Variants in JAKMIP1 observed in about 807,000 individuals in gnomAD.
The protein encoded by JAKMIP1 is janus kinase and microtubule interacting protein 1.
JAKMIP1 carries 33 observed loss-of-function variants against 113.0 expected under a neutral mutation model. The ratio of observed to expected loss-of-function variants is 0.29; its 90% CI spans 0.22 to 0.39. JAKMIP1 has a LOEUF of 0.39. Ranked by LOEUF, JAKMIP1 falls within the 10% of genes least tolerant of loss-of-function variation. The pLI is 1.00. For synonymous variants in JAKMIP1, 480 were observed against 459.9 expected, an observed-to-expected ratio of 1.04 and a Z score of -0.56; for missense variants, 813 against 1,080.5, an observed-to-expected ratio of 0.75 and a Z score of 3.47.
At chr4:6,095,067 T>C (rs1388154428) in intron 3 of JAKMIP1, among the ~76,000 whole-genome samples, 1 of 54,912 alleles carries the variant, frequency 1.8e-5, no homozygotes, top group Non-Finnish European at 3.4e-5. Flanking sequence ...AGAAGGAAAG[T>C]GGAAGGAAGG....
Position 6,049,822 on chromosome 4 carries a change from G to A in JAKMIP1, c.1959C>T (p.Asn653=), listed in dbSNP as rs967341411. 13 of 1,609,454 alleles carry A rather than the reference G, an allele frequency of 8.1e-6. No individual in the cohort carries two copies. The highest frequency in any genetic ancestry group is 2.2e-5 in the East Asian group (1 of 44,876). Residue 653 remains asparagine (N), a synonymous_variant, in exon 15 of 21, where the codon AAC becomes AAT. Coordinates refer to ENST00000409021, the MANE Select transcript of JAKMIP1 (RefSeq NM_001099433.2). The surrounding 1 kb of genome is among the most constrained non-coding windows in gnomAD (Gnocchi z 7.0). ...GAAACCGATCGCTCATAGTTACCCC[G>A]TTATCGCCAAGGATATCTAATTTCT... ...LMKKLDILGD[N]GNLRNEEQVA... is the part of the protein sequence containing the mutation.
intron 5 of JAKMIP1, among the ~76,000 whole-genome samples, chr4:6,082,564 C>T (rs190110046): frequency 2.0e-5 from 3 of 151,954 alleles, no homozygotes; most frequent in Non-Finnish European, 4.4e-5. Context: ...AGTGCCGTGG[C>T]GTGATTTCAG....
In JAKMIP1 at chr4:6,186,619, A is replaced by T. The variant is rs1726681436; in HGVS notation, c.-148+13634T>A. On this transcript the variant is annotated intron_variant, in intron 1 of 20. Coordinates refer to ENST00000409021, the MANE Select transcript of JAKMIP1 (RefSeq NM_001099433.2). The surrounding 1 kb of genome is among the most constrained non-coding windows in gnomAD (Gnocchi z 5.5). ...TATGGTCTATCCTGGAAAATGATTC[A>T]TGGGCACTAGAGAAGAATATTTATT... 6.6e-6 allele frequency among the ~76,000 whole-genome samples: 1 copy of T among 152,154 alleles called. No homozygotes were observed. The highest frequency in any genetic ancestry group is 1.5e-5 in the Non-Finnish European group (1 of 68,020).
chr4:6,136,869 A>G lies in JAKMIP1; in HGVS notation c.-147-23872T>C, dbSNP rs1487335596. On this transcript the variant is annotated intron_variant, in intron 1 of 20. Transcript: ENST00000409021. This position sits in a 1 kb window ranked among gnomAD's most constrained non-coding sequence, Gnocchi z 5.9. ...TACCAGCAGCGGCACTACCCATCAC[A>G]TAACAGGCATTTAGACACAGTTGCG... Among the ~76,000 whole-genome samples the G allele has an allele frequency of 6.6e-6, 1 of 152,200 alleles. No homozygotes were observed. Among genetic ancestry groups the G allele is most frequent in the East Asian group, 1.9e-4 (1 of 5,186 alleles).
chr4:6,186,081 G>C lies in JAKMIP1; in HGVS notation c.-148+14172C>G, dbSNP rs529818133. Among the ~76,000 whole-genome samples, 1 of 152,174 alleles carries C rather than the reference G, an allele frequency of 6.6e-6. No homozygotes were observed. Among genetic ancestry groups the C allele is most frequent in the African/African-American group, 2.4e-5 (1 of 41,528 alleles). On this transcript the variant is annotated intron_variant, in intron 1 of 20. Transcript: ENST00000409021. The surrounding 1 kb of genome is among the most constrained non-coding windows in gnomAD (Gnocchi z 5.5). ...CCACTCAACACAGTGTCTGGCTAGG[G>C]GCTACAGGAAGGAGAACGAACAAGT...
chr4:6,171,268 GTCC>G (rs916092345), intron 1 of JAKMIP1, among the ~76,000 whole-genome samples: 1 of 139,386 alleles, frequency 7.2e-6, no homozygotes, highest in African/African-American at 2.7e-5. Context: ...ACCTACCACT[GTCC>G]TCATCAATGT....
At chr4:6,063,888 T>C (rs1014544573) in intron 9 of JAKMIP1, among the ~76,000 whole-genome samples, 1 of 152,302 alleles carries the variant, frequency 6.6e-6, no homozygotes, top group Non-Finnish European at 1.5e-5. Context: ...ACCAGGAAGC[T>C]GTGGGGTGCA....
chr4:6,075,361 A>G (rs1464919060), intron 8 of JAKMIP1, among the ~76,000 whole-genome samples: 1 of 152,188 alleles, frequency 6.6e-6, no homozygotes, highest in Non-Finnish European at 1.5e-5. Flanking sequence ...TTAGGCCTAA[A>G]AGGCAACCCT....
In JAKMIP1 at chr4:6,086,675, C is replaced by T. The variant is rs1231045861; in HGVS notation, c.625-1046G>A. Among the ~76,000 whole-genome samples the T allele has an allele frequency of 6.6e-6, 1 of 152,044 alleles. No homozygotes were observed. Among genetic ancestry groups the T allele is most frequent in the African/African-American group, 2.4e-5 (1 of 41,382 alleles). Reference sequence around the variant, plus strand: ...GGCACTGTCCTGGTTGAATAGCAGGCCCCCAAGACCCATGGCCTTCCTGGA... The same window carrying T: ...GGCACTGTCCTGGTTGAATAGCAGGTCCCCAAGACCCATGGCCTTCCTGGA... On this transcript the variant is annotated intron_variant, in intron 3 of 20. Coordinates refer to ENST00000409021, the MANE Select transcript of JAKMIP1 (RefSeq NM_001099433.2). This position sits in a 1 kb window ranked among gnomAD's most constrained non-coding sequence, Gnocchi z 4.1.
In JAKMIP1 at chr4:6,033,535, C is replaced by T. The variant is rs553741661; in HGVS notation, c.2379+2369G>A. 3.9e-5 allele frequency among the ~76,000 whole-genome samples: 6 copies of T among 152,240 alleles called. No individual in the cohort carries two copies. The East Asian group carries it at 9.7e-4, about 25-fold the overall frequency. ...CACTTTAGATAAATTCTCCATTGAC[C>T]GCAACACTTCAAGTTGTGTGTGTTG... is the stretch of plus-strand genomic sequence containing the variant. On this transcript the variant is annotated intron_variant, in intron 19 of 20. Transcript: ENST00000409021.
Position 6,065,139 on chromosome 4 carries a change from G to T in JAKMIP1, c.1303-131C>A. ...GGGCCACTGGGGCATCACAAGATGC[G>T]GTTGGTGGGCTTCGTAACTGACTGG... is the stretch of plus-strand genomic sequence containing the variant. On this transcript the variant is annotated intron_variant, in intron 8 of 20. Transcript: ENST00000409021. This position sits in a 1 kb window ranked among gnomAD's most constrained non-coding sequence, Gnocchi z 5.1. 1 of 1,138,582 alleles carries T rather than the reference G, an allele frequency of 8.8e-7. No homozygotes were observed. The highest frequency in any genetic ancestry group is 1.3e-6 in the Non-Finnish European group (1 of 772,744). 70.5% of individuals were successfully genotyped at this position (1,138,582 alleles called of 1,614,324 possible).
intron 13 of JAKMIP1, among the ~76,000 whole-genome samples, chr4:6,053,019 CAG>C (rs1225634735): frequency 1.1e-4 from 16 of 152,220 alleles, no homozygotes; most frequent in Admixed American, 7.2e-4. Flanking sequence ...GGGGAAGCCA[CAG>C]ACACTGTGAA....
rs1220271400 is a variant in JAKMIP1, at chr4:6,137,516, C to T, written c.-147-24519G>A. On this transcript the variant is annotated intron_variant, in intron 1 of 20. Transcript: ENST00000409021. The surrounding 1 kb of genome is among the most constrained non-coding windows in gnomAD (Gnocchi z 4.5). ...GTAGGAACCCCCTTCAAGTCCTTTG[C>T]TCAGGGAAATCAGGAGCTGTGATTT... Among the ~76,000 whole-genome samples, 1 of 152,250 alleles carries T rather than the reference C, an allele frequency of 6.6e-6. No individual in the cohort carries two copies. The highest frequency in any genetic ancestry group is 1.5e-5 in the Non-Finnish European group (1 of 68,044).
chr4:6,032,735 ACT>A (rs1712898111), intron 19 of JAKMIP1, among the ~76,000 whole-genome samples: 1 of 152,192 alleles, frequency 6.6e-6, no homozygotes, highest in Admixed American at 6.5e-5. Context: ...AGCAGGGGCA[ACT>A]CTGAGAGAGG....
At position 6,158,210 on chromosome 4, in the gene JAKMIP1, T is replaced by A. The variant is rs1046645743; in HGVS notation, c.-148+42043A>T. Reference sequence around the variant, plus strand: ...ATGCTGTAGGTCATGCAGTGCACGCTCCATACATCCCAACTTTGCCCTGCG... The same window carrying A: ...ATGCTGTAGGTCATGCAGTGCACGCACCATACATCCCAACTTTGCCCTGCG... On this transcript the variant is annotated intron_variant, in intron 1 of 20. Transcript: ENST00000409021. This position sits in a 1 kb window ranked among gnomAD's most constrained non-coding sequence, Gnocchi z 5.3. Among the ~76,000 whole-genome samples the A allele has an allele frequency of 2.6e-5, 4 of 152,292 alleles. No individual in the cohort carries two copies. The highest frequency in any genetic ancestry group is 3.4e-3 in the Middle Eastern group (1 of 294).
In JAKMIP1 at chr4:6,168,102, C is replaced by A. The variant is rs1203322483; in HGVS notation, c.-148+32151G>T. Among the ~76,000 whole-genome samples the A allele has an allele frequency of 6.6e-6, 1 of 152,222 alleles. No homozygotes were observed. The highest frequency in any genetic ancestry group is 1.5e-5 in the Non-Finnish European group (1 of 68,048). On this transcript the variant is annotated intron_variant, in intron 1 of 20. Transcript: ENST00000409021. This position sits in a 1 kb window ranked among gnomAD's most constrained non-coding sequence, Gnocchi z 4.6. ...AACCGCAGTGAGACGGCACCACACA[C>A]CACCCAGGACGGCTGCAATCAAAAA...
Position 6,040,549 on chromosome 4 carries a change from G to GC in JAKMIP1, c.2175+89dup. ...TCACTCCTGTTTGGCACTGGGGAGC[G>GC]CCCTAAATGCAGTTTCAGCCCCAGA... On this transcript the variant is annotated intron_variant, in intron 18 of 20. Coordinates refer to ENST00000409021, the MANE Select transcript of JAKMIP1 (RefSeq NM_001099433.2). This position sits in a 1 kb window ranked among gnomAD's most constrained non-coding sequence, Gnocchi z 5.8. The GC allele has an allele frequency of 1.2e-6, 1 of 855,414 alleles. No individual in the cohort carries two copies. Among genetic ancestry groups the GC allele is most frequent in the Non-Finnish European group, 2.0e-6 (1 of 507,426 alleles). 53.0% of individuals were successfully genotyped at this position (855,414 alleles called of 1,614,324 possible). A position where few individuals can be genotyped will look rare whatever the true frequency, so the allele number is the denominator to read the frequency against.
At position 6,040,614 on chromosome 4, in the gene JAKMIP1, G is replaced by C; in HGVS notation, c.2175+25C>G. 6.3e-7 allele frequency: 1 copy of C among 1,579,454 alleles called. No individual in the cohort carries two copies. Among genetic ancestry groups the C allele is most frequent in the South Asian group, 1.1e-5 (1 of 89,808 alleles). On this transcript the variant is annotated intron_variant, in intron 18 of 20. Coordinates refer to ENST00000409021, the MANE Select transcript of JAKMIP1 (RefSeq NM_001099433.2). The surrounding 1 kb of genome is among the most constrained non-coding windows in gnomAD (Gnocchi z 5.8). ...CTAATGTGGAGTCTAAGAAGCCAAA[G>C]TGTCAAACCCACTTCTGGTCCTACC...
intron 4 of JAKMIP1, 41 bp downstream of exon 4, chr4:6,085,378 TG>T: frequency 6.3e-7 from 1 of 1,587,224 alleles, no homozygotes; most frequent in Non-Finnish European, 8.6e-7. Context: ...CCTAAATGGG[TG>T]GGGGACCAGC....
Sources: gnomAD v4.1 joint callset for allele counts (sites outside exome capture counted in the v4.1 genomes callset) on GRCh38, gnomAD v4.1.1 for gene constraint, Gnocchi (gnomAD v3.1) non-coding constraint, MANE v1.5 for transcripts, NCBI Gene and HGNC (gene_info 2026-07-23, HGNC 2026-07-21) for gene names.